The following MYO16 variants were observed in gnomAD, a reference collection of about 807,000 sequenced individuals.
The protein encoded by MYO16 is unconventional myosin-XVI.
Under a neutral mutation model 205.3 loss-of-function variants are expected in MYO16, and 94 were observed. The ratio of observed to expected loss-of-function variants is 0.46; its 90% CI spans 0.39 to 0.54. MYO16 has a LOEUF of 0.54. Ranked by LOEUF, MYO16 falls within the 20% of genes least tolerant of loss-of-function variation. The probability of loss-of-function intolerance (pLI) is 0.00; values close to 1 mark genes in which losing one functional copy is unlikely to be tolerated. For missense variants in MYO16, 2,315 were observed against 2,387.5 expected, an observed-to-expected ratio of 0.97 and a Z score of 0.63; for synonymous variants, 988 against 954.0, an observed-to-expected ratio of 1.04 and a Z score of -0.66.
chr13:109,107,253 T>G (rs1419143560), intron 28 of MYO16, among the ~76,000 whole-genome samples: 1 of 152,240 alleles, frequency 6.6e-6, no homozygotes, highest in Non-Finnish European at 1.5e-5. Context: ...ATTCACAATC[T>G]TTGTTTTTAT....
chr13:109,194,919 A>C (rs559504827), intron 34 of MYO16, among the ~76,000 whole-genome samples: 1 of 152,208 alleles, frequency 6.6e-6, no homozygotes, highest in East Asian at 1.9e-4. Flanking sequence ...ATTTGTAGTA[A>C]AATTTTTAAG....
At chr13:108,682,512 A>G (rs1366999604) in intron 2 of MYO16, among the ~76,000 whole-genome samples, 1 of 152,054 alleles carries the variant, frequency 6.6e-6, no homozygotes, top group Non-Finnish European at 1.5e-5. Context: ...ATCAATCAAG[A>G]TTGCAAACCA....
chr13:108,971,639 T>C (rs1442775911), intron 20 of MYO16, among the ~76,000 whole-genome samples: 1 of 151,854 alleles, frequency 6.6e-6, no homozygotes, highest in Non-Finnish European at 1.5e-5. Context: ...ATGGAGATCA[T>C]TTTTTCACTA....
chr13:108,623,502 G>A (rs1879616823), intron 1 of MYO16, among the ~76,000 whole-genome samples: 1 of 152,054 alleles, frequency 6.6e-6, no homozygotes, highest in African/African-American at 2.4e-5. Flanking sequence ...CTTCATGGGG[G>A]ATATTGAAAA....
At chr13:108,696,996 C>G (rs1406889394) in intron 2 of MYO16, among the ~76,000 whole-genome samples, 1 of 148,452 alleles carries the variant, frequency 6.7e-6, no homozygotes, top group African/African-American at 2.5e-5. Flanking sequence ...AAAAAAAATA[C>G]CCTGCCCTTC....
chr13:108,585,855 A>G, the MYO16 span, among the ~76,000 whole-genome samples: 1 of 152,216 alleles, frequency 6.6e-6, no homozygotes, highest in Non-Finnish European at 1.5e-5. Flanking sequence ...CTCAATTTAT[A>G]TGTAGATAAA....
intron 14 of MYO16, among the ~76,000 whole-genome samples, chr13:108,888,820 C>T (rs376941631): frequency 3.3e-5 from 5 of 151,896 alleles, no homozygotes; most frequent in East Asian, 1.9e-4. Flanking sequence ...TCTGGGAGGC[C>T]GAGGCATGTG....
chr13:108,745,862 G>A (rs1376254850), intron 4 of MYO16, among the ~76,000 whole-genome samples: 3 of 152,100 alleles, frequency 2.0e-5, no homozygotes, highest in Non-Finnish European at 4.4e-5. Context: ...AGAAACCAAA[G>A]GAACTCTATA....
At chr13:108,906,967 T>A (rs2139226040) in intron 15 of MYO16, among the ~76,000 whole-genome samples, 1 of 152,244 alleles carries the variant, frequency 6.6e-6, no homozygotes, top group East Asian at 1.9e-4. Context: ...AAATGCATAG[T>A]TGTGAAAGAG....
At chr13:108,993,931 G>A (rs1330028517) in intron 21 of MYO16, among the ~76,000 whole-genome samples, 2 of 152,090 alleles carry the variant, frequency 1.3e-5, no homozygotes, top group Admixed American at 6.6e-5. Flanking sequence ...CCTGGTAAGC[G>A]ACATGTAGAA....
At chr13:108,551,417 T>C in the MYO16 span, among the ~76,000 whole-genome samples, 1 of 152,206 alleles carries the variant, frequency 6.6e-6, no homozygotes, top group South Asian at 2.1e-4. Context: ...GCCTCATCTT[T>C]ATTTCTCACA....
At chr13:109,186,639 C>T (rs1176445142) in intron 34 of MYO16, among the ~76,000 whole-genome samples, 1 of 152,172 alleles carries the variant, frequency 6.6e-6, no homozygotes, top group Non-Finnish European at 1.5e-5. Flanking sequence ...CACAAACACA[C>T]ACAATCATAT....
intron 34 of MYO16, among the ~76,000 whole-genome samples, chr13:109,181,860 G>T (rs573250361): frequency 1.4e-4 from 21 of 145,280 alleles, no homozygotes; most frequent in African/African-American, 5.6e-4. Context: ...AACTCTTGTT[G>T]CCCAGGCTGG....
At chr13:108,985,830 T>C (rs1437737519) in intron 20 of MYO16, among the ~76,000 whole-genome samples, 1 of 152,252 alleles carries the variant, frequency 6.6e-6, no homozygotes, top group Non-Finnish European at 1.5e-5. Flanking sequence ...TCACAGTGCA[T>C]AGTTGTGATC....
intron 2 of MYO16, among the ~76,000 whole-genome samples, chr13:108,671,414 C>T (rs1031103917): frequency 2.0e-5 from 3 of 152,084 alleles, no homozygotes; most frequent in East Asian, 3.9e-4. Flanking sequence ...CTGAAGATAT[C>T]GGAGGGAAAT....
chr13:108,731,402 A>T (rs1367450012), intron 4 of MYO16, among the ~76,000 whole-genome samples: 1 of 152,190 alleles, frequency 6.6e-6, no homozygotes, highest in Non-Finnish European at 1.5e-5. Flanking sequence ...CCGTATAACC[A>T]CATCCATCCT....
chr13:108,666,064 G>C lies in MYO16; in HGVS notation c.207G>C (p.Arg69Ser). The C allele has an allele frequency of 6.2e-7, 1 of 1,614,120 alleles. No homozygotes were observed. The highest frequency in any genetic ancestry group is 1.1e-5 in the South Asian group (1 of 91,076). The change falls in exon 2 of 35, where the codon AGG (arginine) becomes AGC (serine). Residue 69 changes from arginine to serine, a missense_variant. Arg to Ser is a moderately radical substitution (Grantham distance 110). Coordinates refer to ENST00000457511, the MANE Select transcript of MYO16 (RefSeq NM_001198950.3). ...AGAAGCAGGAAGGGTTCCTGAAAAG[G>C]CTGAAGCATGCGAAGAATCCGAAAG... ...AFQKQEGFLK[R>S]LKHAKNPKVH...
At chr13:108,747,274 T>C (rs1885095167) in intron 4 of MYO16, among the ~76,000 whole-genome samples, 1 of 151,914 alleles carries the variant, frequency 6.6e-6, no homozygotes, top group South Asian at 2.1e-4. Flanking sequence ...CACATGACTT[T>C]CGTTTTTCTT....
chr13:108,862,826 A>T (rs1040830032), intron 11 of MYO16, among the ~76,000 whole-genome samples: 5 of 152,202 alleles, frequency 3.3e-5, no homozygotes, highest in Admixed American at 3.3e-4. Flanking sequence ...TTTTCATTTC[A>T]CAAAATGTTA....
Sources: allele counts gnomAD v4.1 joint callset (sites outside exome capture counted in the v4.1 genomes callset), GRCh38; gene constraint gnomAD v4.1.1; transcripts MANE v1.5; gene names NCBI Gene and HGNC (gene_info 2026-07-23, HGNC 2026-07-21).